The following RBMS3 variants were observed in gnomAD, a reference collection of about 807,000 sequenced individuals.
RBMS3 encodes the protein RNA-binding motif, single-stranded-interacting protein 3.
RBMS3 carries 27 observed loss-of-function variants against 66.8 expected under a neutral mutation model. That is an observed-to-expected ratio of 0.40 (90% CI 0.30 to 0.56). RBMS3 has a LOEUF of 0.56. Among genes scored for constraint, RBMS3 ranks in the 20% least tolerant of loss-of-function variants. RBMS3 has a pLI of 0.40. For missense variants in RBMS3, 513 were observed against 549.5 expected (o/e 0.93, Z 0.66); for synonymous variants, 188 against 183.0 (o/e 1.03, Z -0.22).
chr3:29,826,790 C>T (rs1055838004), intron 6 of RBMS3, among the ~76,000 whole-genome samples: 1 of 152,100 alleles, frequency 6.6e-6, no homozygotes, highest in African/African-American at 2.4e-5. Context: ...TATTTTAATG[C>T]TTATTTGAGT....
intron 10 of RBMS3, among the ~76,000 whole-genome samples, chr3:29,900,803 T>C (rs566093647): frequency 2.0e-5 from 3 of 151,898 alleles, no homozygotes; most frequent in South Asian, 2.1e-4. Context: ...ATTGAATGTG[T>C]TCATTATACA....
chr3:29,465,886 A>G (rs2125788332), intron 2 of RBMS3, among the ~76,000 whole-genome samples: 1 of 152,114 alleles, frequency 6.6e-6, no homozygotes, highest in African/African-American at 2.4e-5. Flanking sequence ...GTCTGAGCAT[A>G]TTATGGTGGA....
At chr3:29,496,551 G>T (rs2043761734) in intron 3 of RBMS3, among the ~76,000 whole-genome samples, 1 of 152,046 alleles carries the variant, frequency 6.6e-6, no homozygotes, top group Admixed American at 6.5e-5. Flanking sequence ...AATTTTTCTT[G>T]TCTTACAGCC....
Position 29,899,873 on chromosome 3 carries a change from A to C in RBMS3, c.939+118A>C, listed in dbSNP as rs776971505. Reference sequence around the variant, plus strand: ...TAATATGTAACTCGTTCAGGCAGCCATATTCTCCAGATAAAAAGCTGTTCC... The same window carrying C: ...TAATATGTAACTCGTTCAGGCAGCCCTATTCTCCAGATAAAAAGCTGTTCC... On this transcript the variant is annotated intron_variant, in intron 10 of 14. Coordinates refer to ENST00000383767, the MANE Select transcript of RBMS3 (RefSeq NM_001003793.3). 2.0e-5 allele frequency: 19 copies of C among 937,704 alleles called. No homozygotes were observed. The East Asian group carries it at 4.1e-4, about 20-fold the overall frequency. 58.1% of individuals were successfully genotyped at this position (937,704 alleles called of 1,614,324 possible).
chr3:29,966,537 A>G (rs1161174035), intron 12 of RBMS3, among the ~76,000 whole-genome samples: 1 of 152,174 alleles, frequency 6.6e-6, no homozygotes, highest in African/African-American at 2.4e-5. Context: ...ATTTTTGTAC[A>G]TTAACCTTGT....
chr3:29,426,725 AT>A (rs142014352), intron 1 of RBMS3, among the ~76,000 whole-genome samples: 15,577 of 152,242 alleles, frequency 0.1, 1,124 homozygotes, highest in East Asian at 0.29. Context: ...TGTTTAAAAA[AT>A]AATTGGCTCT....
chr3:29,797,147 G>A (rs933578246), intron 6 of RBMS3, among the ~76,000 whole-genome samples: 4 of 152,154 alleles, frequency 2.6e-5, no homozygotes, highest in Non-Finnish European at 4.4e-5. Flanking sequence ...CCAATATAAG[G>A]ATACTTCATC....
chr3:29,981,279 T>A (rs140535887), intron 12 of RBMS3, among the ~76,000 whole-genome samples: 3,922 of 152,292 alleles, frequency 0.026, 129 homozygotes, highest in East Asian at 0.17. Flanking sequence ...ACATTGATTT[T>A]GTATCCTGAG....
At chr3:29,383,360 T>A (rs72852317) in intron 1 of RBMS3, among the ~76,000 whole-genome samples, 11,128 of 152,292 alleles carry the variant, frequency 0.073, 580 homozygotes, top group African/African-American at 0.15. Context: ...TGATTTTGCC[T>A]CTGATATTGA....
At chr3:29,430,310 T>C (rs1377514638) in intron 1 of RBMS3, among the ~76,000 whole-genome samples, 1 of 152,118 alleles carries the variant, frequency 6.6e-6, no homozygotes, top group Non-Finnish European at 1.5e-5. Context: ...ATCGACCGCT[T>C]TCAGCAGAAT....
At chr3:29,910,352 G>A (rs1260798645) in intron 10 of RBMS3, among the ~76,000 whole-genome samples, 2 of 151,980 alleles carry the variant, frequency 1.3e-5, no homozygotes, top group African/African-American at 2.4e-5. Flanking sequence ...GGAACTATTT[G>A]TTCTTTCATA....
intron 1 of RBMS3, among the ~76,000 whole-genome samples, chr3:29,371,033 T>G (rs1006229721): frequency 6.6e-6 from 1 of 152,236 alleles, no homozygotes; most frequent in Admixed American, 6.5e-5. Context: ...CATGATTTTA[T>G]TTTTAAGCGA....
intron 12 of RBMS3, among the ~76,000 whole-genome samples, chr3:29,969,116 C>G (rs1697057653): frequency 6.6e-6 from 1 of 152,036 alleles, no homozygotes; most frequent in Non-Finnish European, 1.5e-5. Context: ...AATGGATAGT[C>G]AAATATCAAT....
chr3:29,510,604 T>C (rs1436042574), intron 3 of RBMS3, among the ~76,000 whole-genome samples: 2 of 152,152 alleles, frequency 1.3e-5, no homozygotes, highest in Non-Finnish European at 2.9e-5. Flanking sequence ...TGCATTCTAA[T>C]TGAGCATCTC....
At chr3:29,392,282 A>G (rs949331508) in intron 1 of RBMS3, among the ~76,000 whole-genome samples, 11 of 152,194 alleles carry the variant, frequency 7.2e-5, no homozygotes, top group African/African-American at 2.2e-4. Flanking sequence ...GAAAAATAAA[A>G]GGTAAGATCT....
chr3:29,376,853 C>T (rs1180542791), intron 1 of RBMS3, among the ~76,000 whole-genome samples: 3 of 152,000 alleles, frequency 2.0e-5, no homozygotes, highest in Admixed American at 6.6e-5. Context: ...TGCAGTGAGC[C>T]GAGATCGTGC....
chr3:29,790,598 A>G (rs1466186898), intron 6 of RBMS3, among the ~76,000 whole-genome samples: 2 of 152,158 alleles, frequency 1.3e-5, no homozygotes, highest in East Asian at 1.9e-4. Context: ...GAGATTCTCT[A>G]AAATGACCCA....
chr3:29,985,803 C>A (rs1013888494), intron 12 of RBMS3, among the ~76,000 whole-genome samples: 10 of 152,208 alleles, frequency 6.6e-5, no homozygotes, highest in African/African-American at 2.4e-4. Flanking sequence ...ATCCGTCTTG[C>A]CAACTACCCC....
chr3:29,819,663 A>C (rs1357806680), intron 6 of RBMS3, among the ~76,000 whole-genome samples: 1 of 152,140 alleles, frequency 6.6e-6, no homozygotes, highest in Admixed American at 6.6e-5. Flanking sequence ...TCAGCAATGC[A>C]GCAATGGTTG....
Sources: gnomAD v4.1 joint callset for allele counts (sites outside exome capture counted in the v4.1 genomes callset) on GRCh38, gnomAD v4.1.1 for gene constraint, MANE v1.5 for transcripts, NCBI Gene and HGNC (gene_info 2026-07-23, HGNC 2026-07-21) for gene names.